ARHGAP6: variants seen among roughly 807,000 people sequenced by gnomAD.
ARHGAP6 encodes the protein Rho GTPase activating protein 6.
ARHGAP6 carries 16 observed loss-of-function variants against 55.7 expected under a neutral mutation model. The ratio of observed to expected loss-of-function variants is 0.29; its 90% CI spans 0.19 to 0.44. ARHGAP6 has a LOEUF of 0.44. Ranked by LOEUF, ARHGAP6 falls within the 20% of genes least tolerant of loss-of-function variation. The pLI is 1.00. For missense variants in ARHGAP6, 698 were observed against 808.9 expected, an observed-to-expected ratio of 0.86 and a Z score of 1.66; for synonymous variants, 382 against 360.9, an observed-to-expected ratio of 1.06 and a Z score of -0.66.
rs181641295 is a variant in ARHGAP6 at position 11,367,668 on chromosome X, T to C, written c.589-112961A>G. 3.2e-4 allele frequency: 72 copies of C among 226,126 alleles called. No individual in the cohort carries two copies. The East Asian group carries it at 0.015, about 47-fold the overall frequency. 18.6% of individuals were successfully genotyped at this position (226,126 alleles called of 1,213,427 possible). A position where few individuals can be genotyped will look rare whatever the true frequency, so the allele number is the denominator to read the frequency against. The stretch of plus-strand genomic sequence containing the variant: ...TTATTTGTTCTGGATCTTAAGCTCA[T>C]ATCATAAGAACATTGATGGGGCTAA... On this transcript the variant is annotated intron_variant, in intron 1 of 12. Transcript: ENST00000337414.
intron 1 of ARHGAP6, among the ~76,000 whole-genome samples, chrX:11,341,062 G>T (rs2048699412): frequency 9.6e-6 from 1 of 104,589 alleles, no homozygotes; most frequent in Non-Finnish European, 2.0e-5. Flanking sequence ...ATTTGGTGGT[G>T]GGGGTGGGGG....
chrX:11,174,129 A>G (rs1307471563), intron 8 of ARHGAP6, among the ~76,000 whole-genome samples: 2 of 111,973 alleles, frequency 1.8e-5, no homozygotes, highest in South Asian at 3.7e-4. Flanking sequence ...AAAATAATAA[A>G]TAACTCCTCT....
At chrX:11,228,187 T>C (rs2047082100) in intron 2 of ARHGAP6, among the ~76,000 whole-genome samples, 1 of 111,795 alleles carries the variant, frequency 8.9e-6, no homozygotes, top group Admixed American at 9.5e-5. Flanking sequence ...GGTGAAAAAA[T>C]ATGGTATTCC....
chrX:11,577,518 T>G (rs5979421), intron 1 of ARHGAP6, among the ~76,000 whole-genome samples: 28,071 of 111,017 alleles, frequency 0.25, 2,788 homozygotes, highest in Middle Eastern at 0.33. Context: ...GCAGAGTATG[T>G]TCCCATGACC....
At chrX:11,440,922 C>T (rs186878836) in intron 1 of ARHGAP6, among the ~76,000 whole-genome samples, 7 of 111,891 alleles carry the variant, frequency 6.3e-5, no homozygotes, top group Non-Finnish European at 1.1e-4. Context: ...ATTCATCGGG[C>T]CCAGATTTGA....
At chrX:11,608,438 T>G (rs1017776064) in intron 1 of ARHGAP6, among the ~76,000 whole-genome samples, 1 of 111,442 alleles carries the variant, frequency 9.0e-6, no homozygotes, top group African/African-American at 3.3e-5. Context: ...TCATCAATAT[T>G]ATCATCATCG....
chrX:11,555,581 C>T (rs1401343351), intron 1 of ARHGAP6, among the ~76,000 whole-genome samples: 1 of 110,266 alleles, frequency 9.1e-6, no homozygotes, highest in Non-Finnish European at 1.9e-5. Context: ...GGTGAAACCC[C>T]GTTTCTACTA....
intron 1 of ARHGAP6, among the ~76,000 whole-genome samples, chrX:11,510,647 TG>T (rs1388115963): frequency 9.0e-6 from 1 of 111,249 alleles, no homozygotes; most frequent in Non-Finnish European, 1.9e-5. Context: ...AGCCCAAGCT[TG>T]CATTGTGCAC....
intron 1 of ARHGAP6, among the ~76,000 whole-genome samples, chrX:11,635,540 G>T (rs2052408765): frequency 9.0e-6 from 1 of 111,578 alleles, no homozygotes; most frequent in Non-Finnish European, 1.9e-5. Context: ...CTATGATAAA[G>T]TACTGCTAGT....
intron 9 of ARHGAP6, among the ~76,000 whole-genome samples, chrX:11,162,238 G>C (rs747102569): frequency 6.4e-5 from 7 of 109,612 alleles, no homozygotes; most frequent in Non-Finnish European, 1.1e-4. Context: ...AATGATGGCT[G>C]GAAGAGATGC....
At chrX:11,231,782 G>A (rs1186243689) in intron 2 of ARHGAP6, among the ~76,000 whole-genome samples, 1 of 111,716 alleles carries the variant, frequency 9.0e-6, no homozygotes, top group Admixed American at 9.5e-5. Context: ...AGGTGAATCA[G>A]GGCTCTCTCA....
intron 1 of ARHGAP6, among the ~76,000 whole-genome samples, chrX:11,432,868 T>C (rs1056421593): frequency 1.9e-4 from 21 of 112,296 alleles, no homozygotes; most frequent in Non-Finnish European, 3.9e-4. Flanking sequence ...GGAGGACATC[T>C]CATTAGGCAG....
chrX:11,641,334 T>G (rs769368178), intron 1 of ARHGAP6, among the ~76,000 whole-genome samples: 1 of 111,804 alleles, frequency 8.9e-6, no homozygotes, highest in South Asian at 3.7e-4. Context: ...GAGCAATTTC[T>G]GGTTCCAAAA....
chrX:11,570,730 C>T (rs1439127976), intron 1 of ARHGAP6, among the ~76,000 whole-genome samples: 1 of 111,484 alleles, frequency 9.0e-6, no homozygotes, highest in African/African-American at 3.3e-5. Context: ...TACTTTGGTG[C>T]ATAATTTTTA....
intron 2 of ARHGAP6, among the ~76,000 whole-genome samples, chrX:11,204,297 A>C (rs2046673670): frequency 8.9e-6 from 1 of 111,894 alleles, no homozygotes; most frequent in Non-Finnish European, 1.9e-5. Flanking sequence ...ATCTTGAAAG[A>C]ATGAATGGAT....
At chrX:11,231,614 A>G (rs1171391678) in intron 2 of ARHGAP6, among the ~76,000 whole-genome samples, 2 of 112,398 alleles carry the variant, frequency 1.8e-5, no homozygotes, top group Non-Finnish European at 3.8e-5. Context: ...AGATATCTAA[A>G]TTAAGGTGAT....
chrX:11,319,640 T>C (rs1386668990), intron 1 of ARHGAP6, among the ~76,000 whole-genome samples: 5 of 112,437 alleles, frequency 4.4e-5, no homozygotes, highest in Admixed American at 9.4e-5. Context: ...CTACACAAAA[T>C]AGATATTATG....
At chrX:11,290,298 A>G (rs2047972319) in intron 1 of ARHGAP6, 2 of 269,564 alleles carry the variant, frequency 7.4e-6, no homozygotes, top group East Asian at 9.5e-5. Flanking sequence ...TCATTAATTC[A>G]TCAACACATT....
intron 1 of ARHGAP6, among the ~76,000 whole-genome samples, chrX:11,583,871 AG>A (rs1450222720): frequency 8.9e-6 from 1 of 112,334 alleles, no homozygotes; most frequent in Non-Finnish European, 1.9e-5. Flanking sequence ...CAATAAGTCA[AG>A]ATGGAAAGAA....
Sources: gnomAD v4.1 joint callset for allele counts (sites outside exome capture counted in the v4.1 genomes callset) on GRCh38, gnomAD v4.1.1 for gene constraint, MANE v1.5 for transcripts, NCBI Gene and HGNC (gene_info 2026-07-23, HGNC 2026-07-21) for gene names.